The following RBFOX3 variants were observed in gnomAD, a reference collection of about 807,000 sequenced individuals.
RBFOX3 encodes RNA binding protein fox-1 homolog 3.
A neutral mutation model predicts 48.7 loss-of-function variants in RBFOX3; 17 were observed. The ratio of observed to expected loss-of-function variants is 0.35; its 90% CI spans 0.24 to 0.52. RBFOX3 has a LOEUF of 0.52. Ranked by LOEUF, RBFOX3 falls within the 20% of genes least tolerant of loss-of-function variation. The pLI is 0.94. For missense variants in RBFOX3, 382 were observed against 497.5 expected, an observed-to-expected ratio of 0.77 and a Z score of 2.21; for synonymous variants, 212 against 209.5, an observed-to-expected ratio of 1.01 and a Z score of -0.10.
At chr17:79,656,700 G>C in the RBFOX3 span, among the ~76,000 whole-genome samples, 1 of 13,982 alleles carries the variant, frequency 7.2e-5, no homozygotes. Context: ...AAGGAAGGAA[G>C]GAAGGAAGGA....
chr17:79,414,943 G>A (rs748966211), intron 2 of RBFOX3, among the ~76,000 whole-genome samples: 5 of 152,196 alleles, frequency 3.3e-5, no homozygotes, highest in Non-Finnish European at 4.4e-5. Flanking sequence ...TCCAGCTCCC[G>A]TTCCCAGAGG....
At chr17:79,521,281 T>G (rs924364363) in intron 1 of RBFOX3, among the ~76,000 whole-genome samples, 1 of 125,330 alleles carries the variant, frequency 8.0e-6, no homozygotes, top group East Asian at 2.2e-4. Flanking sequence ...CACAGACACA[T>G]GCACAGACAC....
At chr17:79,618,398 C>A in the RBFOX3 span, among the ~76,000 whole-genome samples, 239 of 152,250 alleles carry the variant, frequency 1.6e-3, 2 homozygotes, top group East Asian at 0.041. Flanking sequence ...AATAATACCA[C>A]CCAGAAAACA....
the RBFOX3 span, among the ~76,000 whole-genome samples, chr17:79,645,714 C>T: frequency 3.3e-5 from 5 of 152,288 alleles, no homozygotes; most frequent in African/African-American, 9.6e-5. Context: ...ACCGCAGCGG[C>T]CTCCTTCACT....
chr17:79,426,145 GGAGA>G (rs1258345520), intron 2 of RBFOX3, among the ~76,000 whole-genome samples: 1 of 152,114 alleles, frequency 6.6e-6, no homozygotes, highest in Non-Finnish European at 1.5e-5. Context: ...CTGGGTTTGA[GGAGA>G]GAGAGGAGCA....
intron 4 of RBFOX3, among the ~76,000 whole-genome samples, chr17:79,143,845 C>A (rs1305808464): frequency 6.6e-6 from 1 of 152,238 alleles, no homozygotes; most frequent in Non-Finnish European, 1.5e-5. Flanking sequence ...GTGAGGACCC[C>A]CGACCTGCAG....
the RBFOX3 span, among the ~76,000 whole-genome samples, chr17:79,627,817 C>CTT: frequency 2.0e-5 from 3 of 150,716 alleles, no homozygotes; most frequent in African/African-American, 7.3e-5. Flanking sequence ...GTTTCTGTCT[C>CTT]CTCCAGGCTT....
At chr17:79,645,527 C>G in the RBFOX3 span, among the ~76,000 whole-genome samples, 2 of 152,166 alleles carry the variant, frequency 1.3e-5, no homozygotes, top group Non-Finnish European at 2.9e-5. Flanking sequence ...CTCTTAAGAC[C>G]TCATACCTTC....
chr17:79,548,198 C>T (rs889937060), intron 1 of RBFOX3, among the ~76,000 whole-genome samples: 1 of 152,184 alleles, frequency 6.6e-6, no homozygotes, highest in Admixed American at 6.5e-5. Flanking sequence ...CTCCTGGTGC[C>T]CCCAGCTCCT....
chr17:79,165,290 C>T (rs1016133862), intron 4 of RBFOX3, among the ~76,000 whole-genome samples: 2 of 152,152 alleles, frequency 1.3e-5, no homozygotes, highest in Admixed American at 1.3e-4. Flanking sequence ...GGAAAAAACC[C>T]GAGTTTCTCA....
rs183791176 is a variant in RBFOX3, at chr17:79,548,483, C to G, written c.-320+62343G>C. The stretch of plus-strand genomic sequence containing the variant: ...GGCACGGCTGCCACCACCCCCAAAG[C>G]CTGTGCACTTTATTTCTGCAGGAAG... On this transcript the variant is annotated intron_variant, in intron 1 of 14. Transcript: ENST00000693108. Among the ~76,000 whole-genome samples the G allele has an allele frequency of 2.1e-3, 321 of 152,390 alleles. 3 individuals are homozygous for G. The highest frequency in any genetic ancestry group is 3.2e-3 in the Non-Finnish European group (220 of 68,040).
Position 79,362,578 on chromosome 17 carries a change from G to A in RBFOX3, c.-174-54754C>T, listed in dbSNP as rs539064312. On this transcript the variant is annotated intron_variant, in intron 2 of 14. Coordinates refer to ENST00000693108, the MANE Select transcript of RBFOX3 (RefSeq NM_001350451.2). The surrounding 1 kb of genome is among the most constrained non-coding windows in gnomAD (Gnocchi z 4.2). ...ATGGAGATGGGAGCCTTTATGTCCC[G>A]CGTGTGAGGGGCCCAGAGGCCTCTT... Among the ~76,000 whole-genome samples the A allele has an allele frequency of 5.3e-4, 81 of 152,308 alleles. 1 individual carries two copies. Among genetic ancestry groups the A allele is most frequent in the South Asian group, 1.0e-3 (5 of 4,826 alleles).
intron 2 of RBFOX3, among the ~76,000 whole-genome samples, chr17:79,438,773 C>CTGCG (rs1470317709): frequency 4.0e-4 from 61 of 152,378 alleles, no homozygotes; most frequent in African/African-American, 1.4e-3. Flanking sequence ...TGACCATCAC[C>CTGCG]TGCGTTTCCT....
chr17:79,149,169 C>T (rs1447878937), intron 4 of RBFOX3, among the ~76,000 whole-genome samples: 4 of 152,222 alleles, frequency 2.6e-5, no homozygotes, highest in Non-Finnish European at 5.9e-5. Context: ...GAAAATGCGA[C>T]GTCTGTGCTA....
intron 2 of RBFOX3, among the ~76,000 whole-genome samples, chr17:79,416,677 C>T (rs949529650): frequency 1.3e-5 from 2 of 152,220 alleles, no homozygotes; most frequent in Non-Finnish European, 2.9e-5. Flanking sequence ...GCACCCACCC[C>T]TCCAGGTTGG....
At position 79,321,185 on chromosome 17, in the gene RBFOX3, G is replaced by A. The variant is rs188310408; in HGVS notation, c.-174-13361C>T. On this transcript the variant is annotated intron_variant, in intron 2 of 14. Transcript: ENST00000693108. ...TGCAATGGGCTCAAAGACCATGCAGGAGCCCAGGGCATAGGGACACCACAG... is the reference window on the plus strand; with the variant it reads ...TGCAATGGGCTCAAAGACCATGCAGAAGCCCAGGGCATAGGGACACCACAG... 9.1e-4 allele frequency among the ~76,000 whole-genome samples: 139 copies of A among 152,346 alleles called. 1 individual carries two copies. The highest frequency in any genetic ancestry group is 3.2e-3 in the African/African-American group (131 of 41,576).
intron 4 of RBFOX3, among the ~76,000 whole-genome samples, chr17:79,150,984 C>A (rs1324777654): frequency 6.6e-6 from 1 of 152,216 alleles, no homozygotes; most frequent in Non-Finnish European, 1.5e-5. Flanking sequence ...CTGGTGGCCG[C>A]CCCGCTGCTG....
chr17:79,454,900 C>T (rs2074210098), intron 2 of RBFOX3, among the ~76,000 whole-genome samples: 2 of 152,208 alleles, frequency 1.3e-5, no homozygotes, highest in Admixed American at 1.3e-4. Flanking sequence ...GTTTGGGGGC[C>T]CTGCACCCAG....
the RBFOX3 span, among the ~76,000 whole-genome samples, chr17:79,652,312 A>G: frequency 1.3e-5 from 2 of 152,080 alleles, no homozygotes; most frequent in Non-Finnish European, 2.9e-5. Context: ...CAAGTTAAAT[A>G]TAATAACATA....
Sources: gnomAD v4.1 joint callset for allele counts (sites outside exome capture counted in the v4.1 genomes callset) on GRCh38, gnomAD v4.1.1 for gene constraint, Gnocchi (gnomAD v3.1) non-coding constraint, MANE v1.5 for transcripts, NCBI Gene and HGNC (gene_info 2026-07-23, HGNC 2026-07-21) for gene names.